Variants in ENTHD1 observed in about 807,000 individuals in gnomAD.
The protein encoded by ENTHD1 is ENTH domain-containing protein 1.
In ENTHD1, 23 loss-of-function variants were observed where a neutral mutation model predicts 39.1. The ratio of observed to expected loss-of-function variants is 0.59; its 90% CI spans 0.42 to 0.83. ENTHD1 has a LOEUF of 0.83. Ranked by LOEUF, ENTHD1 falls within the 40% of genes least tolerant of loss-of-function variation. The pLI is 0.00. For synonymous variants in ENTHD1, 230 were observed against 258.2 expected, an observed-to-expected ratio of 0.89 and a Z score of 1.05; for missense variants, 624 against 705.4, an observed-to-expected ratio of 0.88 and a Z score of 1.31.
chr22:39,772,417 T>C (rs2065334197), intron 5 of ENTHD1, among the ~76,000 whole-genome samples: 1 of 152,060 alleles, frequency 6.6e-6, no homozygotes, highest in Non-Finnish European at 1.5e-5. Flanking sequence ...GATGAGATGG[T>C]AAATAGGCCT....
At chr22:39,765,072 G>A (rs1253802688) in intron 6 of ENTHD1, 151 bp downstream of exon 6, 2 of 1,299,276 alleles carry the variant, frequency 1.5e-6, no homozygotes, top group Non-Finnish European at 2.0e-6. Flanking sequence ...GTATGTGTAT[G>A]GCATGTACAT....
intron 1 of ENTHD1, among the ~76,000 whole-genome samples, chr22:39,888,974 G>A (rs919162747): frequency 2.6e-5 from 4 of 152,040 alleles, no homozygotes; most frequent in African/African-American, 4.8e-5. Context: ...TACAAGTCCC[G>A]AGAATCAGAT....
At chr22:39,847,286 C>T (rs1221695845) in intron 3 of ENTHD1, among the ~76,000 whole-genome samples, 3 of 145,990 alleles carry the variant, frequency 2.1e-5, no homozygotes, top group South Asian at 2.1e-4. Context: ...AACCAAACAC[C>T]GCATGTTCTC....
At chr22:39,805,942 C>T (rs575705568) in intron 5 of ENTHD1, among the ~76,000 whole-genome samples, 23 of 152,286 alleles carry the variant, frequency 1.5e-4, no homozygotes, top group African/African-American at 4.3e-4. Context: ...AGCTGCCAGA[C>T]GGCCCTCTGT....
intron 1 of ENTHD1, among the ~76,000 whole-genome samples, chr22:39,892,161 T>G (rs2066432261): frequency 6.6e-6 from 1 of 152,186 alleles, no homozygotes. Flanking sequence ...AACTTACCAT[T>G]CAGTTAAGGA....
At chr22:39,832,425 T>C (rs889431673) in intron 4 of ENTHD1, among the ~76,000 whole-genome samples, 3 of 151,888 alleles carry the variant, frequency 2.0e-5, no homozygotes, top group African/African-American at 7.3e-5. Context: ...CATGGAGATA[T>C]GAAACAAAAA....
At chr22:39,772,357 G>T (rs1044960749) in intron 5 of ENTHD1, among the ~76,000 whole-genome samples, 45 of 152,130 alleles carry the variant, frequency 3.0e-4, no homozygotes, top group African/African-American at 1.1e-3. Flanking sequence ...TCACAGACTG[G>T]TACCAGTCCG....
chr22:39,765,794 G>T (rs185405244), intron 5 of ENTHD1, among the ~76,000 whole-genome samples, 185 bp from the exon 6 acceptor site: 1 of 151,756 alleles, frequency 6.6e-6, no homozygotes, highest in Non-Finnish European at 1.5e-5. Context: ...AGCTATAATT[G>T]ACGCCTTAGT....
rs534179975 is a variant in ENTHD1, at chr22:39,793,653, G to T, written c.832+27340C>A. Among the ~76,000 whole-genome samples the T allele has an allele frequency of 3.3e-5, 5 of 150,546 alleles. No homozygotes were observed. The East Asian group carries it at 9.7e-4, about 29-fold the overall frequency. ...CTTACATTTAGCTCTTTAATCCGGG[G>T]TCTAGTTTCATCCTTCCGCATATGG... On this transcript the variant is annotated intron_variant, in intron 5 of 6. Transcript: ENST00000325157.
chr22:39,824,080 C>T (rs934501878), intron 4 of ENTHD1, among the ~76,000 whole-genome samples: 13 of 152,014 alleles, frequency 8.6e-5, no homozygotes, highest in Non-Finnish European at 1.6e-4. Flanking sequence ...ATATTTTTTC[C>T]CAGTCTGTAA....
At chr22:39,794,542 C>T (rs1244323010) in intron 5 of ENTHD1, among the ~76,000 whole-genome samples, 1 of 152,032 alleles carries the variant, frequency 6.6e-6, no homozygotes, top group African/African-American at 2.4e-5. Flanking sequence ...GTGGCTCACG[C>T]CTGTAATCCC....
intron 1 of ENTHD1, among the ~76,000 whole-genome samples, chr22:39,888,667 C>A (rs529547057): frequency 2.6e-5 from 4 of 152,172 alleles, no homozygotes; most frequent in Admixed American, 2.0e-4. Flanking sequence ...ACCTTGTGAT[C>A]CTTCCACCTC....
chr22:39,861,385 C>G (rs757219474), intron 3 of ENTHD1, among the ~76,000 whole-genome samples: 4 of 151,962 alleles, frequency 2.6e-5, no homozygotes, highest in African/African-American at 4.8e-5. Context: ...ACTAAAAATA[C>G]AAAAATTAGC....
chr22:39,891,187 C>G (rs1448959424), intron 1 of ENTHD1, among the ~76,000 whole-genome samples: 2 of 152,216 alleles, frequency 1.3e-5, no homozygotes, highest in African/African-American at 4.8e-5. Flanking sequence ...ACCGACCTCA[C>G]TAACTACTTA....
chr22:39,883,855 C>CAAAAAAAA (rs137949), intron 2 of ENTHD1, among the ~76,000 whole-genome samples: 2 of 68,580 alleles, frequency 2.9e-5, no homozygotes, highest in Non-Finnish European at 5.5e-5. Context: ...CTCTGTCCCA[C>CAAAAAAAA]AAAAAAAAAA....
chr22:39,877,162 A>G (rs926955676), intron 2 of ENTHD1, among the ~76,000 whole-genome samples: 8 of 152,206 alleles, frequency 5.3e-5, no homozygotes, highest in African/African-American at 1.9e-4. Context: ...TTAACCTAAG[A>G]TAAAAGAGAC....
Position 39,893,743 on chromosome 22 carries a change from G to A in ENTHD1, c.-204C>T, listed in dbSNP as rs2066448888. 2.6e-5 allele frequency: 4 copies of A among 152,306 alleles called. No homozygotes were observed. In the South Asian group the frequency reaches 8.3e-4, roughly 32 times the overall value. The allele number at this position is 152,306 out of a possible 1,614,324, so 9.4% of individuals were successfully genotyped here. A position where few individuals can be genotyped will look rare whatever the true frequency, so the allele number is the denominator to read the frequency against. On this transcript the variant is annotated 5_prime_UTR_variant, in exon 1 of 7. Transcript: ENST00000325157. ...CCAACGACCAAACTTCCTCTCCCCAGGATATTCCACCTACTCCAGCCAGGC... is the reference window on the plus strand; with the variant it reads ...CCAACGACCAAACTTCCTCTCCCCAAGATATTCCACCTACTCCAGCCAGGC...
At position 39,856,274 on chromosome 22, in the gene ENTHD1, CAAAAAAAA is replaced by C. The variant is rs34598525; in HGVS notation, c.592+5483_592+5490del. ...GGGCAACAAGAGTGAAACTTCATCT[CAAAAAAAA>C]AAAAAAAAAAAAAAGAATGTCCCCT... On this transcript the variant is annotated intron_variant, in intron 3 of 6. Coordinates refer to ENST00000325157, the MANE Select transcript of ENTHD1 (RefSeq NM_152512.4). Among the ~76,000 whole-genome samples, 4 of 50,768 alleles carry C rather than the reference CAAAAAAAA, an allele frequency of 7.9e-5. No homozygotes were observed. In the South Asian group the frequency reaches 2.0e-3, roughly 25 times the overall value. 33.3% of individuals were successfully genotyped at this position (50,768 alleles called of 152,430 possible).
At chr22:39,795,983 A>T in intron 5 of ENTHD1, among the ~76,000 whole-genome samples, 1 of 151,750 alleles carries the variant, frequency 6.6e-6, no homozygotes. Flanking sequence ...TCTAGCTAGC[A>T]GTTTATTGGT....
Sources: gnomAD v4.1 joint callset for allele counts (sites outside exome capture counted in the v4.1 genomes callset) on GRCh38, gnomAD v4.1.1 for gene constraint, MANE v1.5 for transcripts, NCBI Gene and HGNC (gene_info 2026-07-23, HGNC 2026-07-21) for gene names.